GJA3: variants seen among roughly 807,000 people sequenced by gnomAD.
The protein encoded by GJA3 is gap junction alpha-3 protein.
For missense variants in GJA3, 571 were observed against 620.3 expected, an observed-to-expected ratio of 0.92 and a Z score of 0.84; for synonymous variants, 297 against 292.6, an observed-to-expected ratio of 1.02 and a Z score of -0.15.
At chr13:20,146,491 G>A (rs1359362691) in intron 1 of GJA3, among the ~76,000 whole-genome samples, 1 of 152,210 alleles carries the variant, frequency 6.6e-6, no homozygotes, top group Admixed American at 6.5e-5. Context: ...GCAAAACACT[G>A]GAATATATGC....
chr13:20,147,423 T>TA (rs1958849396), intron 1 of GJA3, among the ~76,000 whole-genome samples: 1 of 152,254 alleles, frequency 6.6e-6, no homozygotes, highest in African/African-American at 2.4e-5. Flanking sequence ...GGTTCATTTA[T>TA]AACCACTAAA....
In GJA3 at chr13:20,158,826, C is replaced by T. The variant is rs35186426; in HGVS notation, c.-18+2064G>A. Among the ~76,000 whole-genome samples the T allele has an allele frequency of 2.2e-3, 318 of 144,410 alleles. 2 individuals carry two copies. The highest frequency in any genetic ancestry group is 4.2e-3 in the Non-Finnish European group (281 of 66,930). The allele number at this position is 144,410 out of a possible 152,430, so 94.7% of individuals were successfully genotyped here. On this transcript the variant is annotated intron_variant, in intron 1 of 1. Transcript: ENST00000241125. ...ACAAGGGAGGCTGAGGCAGGAGAAT[C>T]GCTTTAACTGGGAGGCAGAAGTCGC...
chr13:20,142,229 G>C lies in GJA3; in HGVS notation c.1060C>G (p.Pro354Ala), dbSNP rs770718484. Residue 354 changes from proline to alanine, a missense_variant, in exon 2 of 2, where the codon CCC becomes GCC. By Grantham distance (27) the Pro-to-Ala change is conservative. Transcript: ENST00000241125. ...PAASTPAAPSPVGSSSPPLAH... is the reference protein window; with the variant it reads ...PAASTPAAPSAVGSSSPPLAH... ...AGTGGCGGGGAGCTGCTGCCGACGG[G>C]GCTGGGGGCTGCAGGCGTGGACGCT... The C allele has an allele frequency of 3.5e-5, 54 of 1,528,982 alleles. 1 individual carries two copies. The Admixed American group carries it at 1.1e-3, about 30-fold the overall frequency. The allele number at this position is 1,528,982 out of a possible 1,614,324, so 94.7% of individuals were successfully genotyped here. A position where few individuals can be genotyped will look rare whatever the true frequency, so the allele number is the denominator to read the frequency against.
chr13:20,143,399 G>A, intron 1 of GJA3, 94 bp from the exon 2 acceptor site: 1 of 752,420 alleles, frequency 1.3e-6, no homozygotes, highest in Non-Finnish European at 2.1e-6. Flanking sequence ...ATGGTACTGG[G>A]ATGGGGCTGA....
Position 20,142,388 on chromosome 13 carries a change from C to T in GJA3, c.901G>A (p.Ala301Thr). 1 of 1,524,900 alleles carries T rather than the reference C, an allele frequency of 6.6e-7. No homozygotes were observed. Among genetic ancestry groups the T allele is most frequent in the Non-Finnish European group, 8.8e-7 (1 of 1,136,700 alleles). The allele number at this position is 1,524,900 out of a possible 1,614,324, so 94.5% of individuals were successfully genotyped here. A position where few individuals can be genotyped will look rare whatever the true frequency, so the allele number is the denominator to read the frequency against. Residue 301 changes from alanine (A) to threonine (T), a missense_variant, in exon 2 of 2, where the codon GCC (alanine) becomes ACC (threonine). By Grantham distance (58) the Ala-to-Thr change is moderately conservative (BLOSUM62 0). Transcript: ENST00000241125. ...CCCTTTCCGCGCGCCTCGGTCAGGG[C>T]TAGCAGTTTGAAGTCCGCGGCTGGT... is the stretch of plus-strand genomic sequence containing the variant. ...PPPAADFKLLALTEARGKGQS... is the reference protein window; with the variant it reads ...PPPAADFKLLTLTEARGKGQS...
At chr13:20,156,168 T>C (rs1958905868) in intron 1 of GJA3, among the ~76,000 whole-genome samples, 1 of 152,204 alleles carries the variant, frequency 6.6e-6, no homozygotes, top group Non-Finnish European at 1.5e-5. Flanking sequence ...CAATCTTTTA[T>C]GCATACCTGA....
rs866334647 is a variant in GJA3, at chr13:20,142,774, C to T, written c.515G>A (p.Gly172Asp). The T allele has an allele frequency of 1.9e-6, 3 of 1,613,732 alleles. No individual in the cohort carries two copies. The highest frequency in any genetic ancestry group is 2.5e-6 in the Non-Finnish European group (3 of 1,179,920). The change falls in exon 2 of 2, where the codon GGC (glycine) becomes GAC (aspartate). Residue 172 changes from glycine (G) to aspartate (D), a missense_variant. Transcript: ENST00000241125. ...GCGGTAGAGCGGCTTCAGCTCGAAGCCGTACAGAAAGTACTGGCCGGCGAT... is the reference window on the plus strand; with the variant it reads ...GCGGTAGAGCGGCTTCAGCTCGAAGTCGTACAGAAAGTACTGGCCGGCGAT... ...GFIAGQYFLY[G>D]FELKPLYRCD...
rs59119989 is a variant in GJA3, at chr13:20,140,091, G to C, written c.*1890C>G. The C allele has an allele frequency of 1.3e-5, 2 of 152,112 alleles. No homozygotes were observed. The highest frequency in any genetic ancestry group is 3.9e-4 in the East Asian group (2 of 5,190). The allele number at this position is 152,112 out of a possible 1,614,324, so 9.4% of individuals were successfully genotyped here. ...ACACTGCATGTAATGAGTGAACTTCGGAGAGAAGTTATGCATCTAGAATGG... is the reference window on the plus strand; with the variant it reads ...ACACTGCATGTAATGAGTGAACTTCCGAGAGAAGTTATGCATCTAGAATGG... On this transcript the variant is annotated 3_prime_UTR_variant, in exon 2 of 2. Transcript: ENST00000241125.
chr13:20,142,413 T>G lies in GJA3; in HGVS notation c.876A>C (p.Pro292=), dbSNP rs1172954545. 2 of 1,499,930 alleles carry G rather than the reference T, an allele frequency of 1.3e-6. No homozygotes were observed. Among genetic ancestry groups the G allele is most frequent in the South Asian group, 1.3e-5 (1 of 75,274 alleles). 92.9% of individuals were successfully genotyped at this position (1,499,930 alleles called of 1,614,324 possible). Residue 292 remains proline (P), a synonymous_variant, in exon 2 of 2, where the codon CCA becomes CCC. Coordinates refer to ENST00000241125, the MANE Select transcript of GJA3 (RefSeq NM_021954.4). ...ARAVGYPGAP[P]PAADFKLLAL... ...CTAGCAGTTTGAAGTCCGCGGCTGG[T>G]GGCGGGGCCCCGGGGTAGCCCACGG...
At chr13:20,157,298 T>C (rs927004903) in intron 1 of GJA3, among the ~76,000 whole-genome samples, 16 of 152,124 alleles carry the variant, frequency 1.1e-4, no homozygotes, top group Non-Finnish European at 2.1e-4. Context: ...AAAACACAAG[T>C]CATGATGTCT....
Position 20,143,085 on chromosome 13 carries a change from C to T in GJA3, c.204G>A (p.Arg68=), listed in dbSNP as rs1958822317. Residue 68 remains arginine, a synonymous_variant, in exon 2 of 2, where the codon AGG becomes AGA. Coordinates refer to ENST00000241125, the MANE Select transcript of GJA3 (RefSeq NM_021954.4). ...QPGCENVCYD[R]AFPISHIRFW... ...AGCGGATGTGGGAGATGGGGAAGGC[C>T]CTGTCGTAGCAGACGTTCTCGCAGC... 6.2e-7 allele frequency: 1 copy of T among 1,613,952 alleles called. No individual in the cohort carries two copies. The highest frequency in any genetic ancestry group is 8.5e-7 in the Non-Finnish European group (1 of 1,179,946).
At chr13:20,144,577 C>T (rs1958831636) in intron 1 of GJA3, among the ~76,000 whole-genome samples, 1 of 152,174 alleles carries the variant, frequency 6.6e-6, no homozygotes, top group African/African-American at 2.4e-5. Flanking sequence ...CACCCCCAGG[C>T]CCAATTCAGC....
Position 20,143,135 on chromosome 13 carries a change from A to G in GJA3, c.154T>C (p.Phe52Leu). 6.2e-7 allele frequency: 1 copy of G among 1,613,284 alleles called. No individual in the cohort carries two copies. Residue 52 changes from phenylalanine (F) to leucine (L), a missense_variant, in exon 2 of 2, where the codon TTC becomes CTC. Transcript: ENST00000241125. The stretch of plus-strand genomic sequence containing the variant: ...CCCGGCTGCTGGGTGTTGCAGGTGA[A>G]GTCTGACTGCTCATCGCCCCACACG... ...EDVWGDEQSD[F>L]TCNTQQPGCE... is the part of the protein sequence containing the mutation.
chr13:20,160,636 G>A (rs1958931566), intron 1 of GJA3, among the ~76,000 whole-genome samples: 3 of 152,224 alleles, frequency 2.0e-5, no homozygotes, highest in Admixed American at 6.5e-5. Context: ...AGACCTCCAG[G>A]AGCAAAGGAG....
At chr13:20,145,986 G>T (rs1162030387) in intron 1 of GJA3, among the ~76,000 whole-genome samples, 1 of 152,184 alleles carries the variant, frequency 6.6e-6, no homozygotes, top group Admixed American at 6.5e-5. Flanking sequence ...TTTCCCCTAG[G>T]CCTGGCTCTG....
intron 1 of GJA3, among the ~76,000 whole-genome samples, chr13:20,149,511 A>C (rs1958864085): frequency 6.6e-6 from 1 of 152,146 alleles, no homozygotes; most frequent in Non-Finnish European, 1.5e-5. Context: ...GAAATAGTTT[A>C]AGGAATAGTC....
At chr13:20,147,576 A>C (rs576382918) in intron 1 of GJA3, among the ~76,000 whole-genome samples, 1 of 152,344 alleles carries the variant, frequency 6.6e-6, no homozygotes, top group South Asian at 2.1e-4. Context: ...GGACACAGAA[A>C]AAGGAAGAAT....
intron 1 of GJA3, among the ~76,000 whole-genome samples, chr13:20,153,471 A>G (rs1593339035): frequency 6.6e-6 from 1 of 152,354 alleles, no homozygotes; most frequent in African/African-American, 2.4e-5. Flanking sequence ...GGATGAGTTC[A>G]TGTCCTTTGT....
Position 20,142,741 on chromosome 13 carries a change from C to T in GJA3, c.548G>A (p.Arg183His), listed in dbSNP as rs781023239. The T allele has an allele frequency of 5.0e-6, 8 of 1,613,680 alleles. No homozygotes were observed. Among genetic ancestry groups the T allele is most frequent in the African/African-American group, 1.3e-5 (1 of 75,030 alleles). The change falls in exon 2 of 2, where the codon CGC (arginine) becomes CAC (histidine). Residue 183 changes from arginine (R) to histidine (H), a missense_variant. By Grantham distance (29) the Arg-to-His change is conservative. Coordinates refer to ENST00000241125, the MANE Select transcript of GJA3 (RefSeq NM_021954.4). Reference protein sequence around the residue: ...FELKPLYRCDRWPCPNTVDCF... With the variant: ...FELKPLYRCDHWPCPNTVDCF... ...GTCCACCGTGTTGGGGCAGGGCCAG[C>T]GGTCGCAGCGGTAGAGCGGCTTCAG...
Sources: allele counts gnomAD v4.1 joint callset (sites outside exome capture counted in the v4.1 genomes callset), GRCh38; gene constraint gnomAD v4.1.1; transcripts MANE v1.5; gene names NCBI Gene and HGNC (gene_info 2026-07-23, HGNC 2026-07-21).